The following FUT9 variants were observed in gnomAD, a reference collection of about 807,000 sequenced individuals.
FUT9 encodes the protein 4-galactosyl-N-acetylglucosaminide 3-alpha-L-fucosyltransferase 9.
FUT9 carries 15 observed loss-of-function variants against 29.7 expected under a neutral mutation model. The ratio of observed to expected loss-of-function variants is 0.51; its 90% confidence interval spans 0.34 to 0.78. The LOEUF is 0.78. Among genes scored for constraint, FUT9 ranks in the 30% least tolerant of loss-of-function variants. The pLI, the probability that FUT9 is intolerant of heterozygous loss-of-function variation, is 0.01. For missense variants in FUT9, 319 were observed against 425.4 expected (o/e 0.75, Z 2.20); for synonymous variants, 169 against 153.7 (o/e 1.10, Z -0.74).
intron 1 of FUT9, among the ~76,000 whole-genome samples, chr6:96,044,265 T>C (rs1419321033): frequency 6.6e-6 from 1 of 152,224 alleles, no homozygotes; most frequent in Non-Finnish European, 1.5e-5. Context: ...TAGCATGACC[T>C]AAATAATTGT....
chr6:96,198,049 T>C (rs1438101875), intron 2 of FUT9, among the ~76,000 whole-genome samples: 1 of 148,060 alleles, frequency 6.8e-6, no homozygotes, highest in Non-Finnish European at 1.5e-5. Flanking sequence ...ATTACAACTC[T>C]AATCTTTTTC....
At position 96,214,477 on chromosome 6, in the gene FUT9, A is replaced by C. The variant is rs1458179500; in HGVS notation, c.*10242A>C. ...TTTACTTATTAACTTAAGTAATAAA[A>C]ATTGTATAAAAATATGAATGTTGGC... On this transcript the variant is annotated 3_prime_UTR_variant, in exon 3 of 3. Coordinates refer to ENST00000302103, the MANE Select transcript of FUT9 (RefSeq NM_006581.4). The C allele has an allele frequency of 6.0e-6, 1 of 166,980 alleles. No individual in the cohort carries two copies. The highest frequency in any genetic ancestry group is 2.4e-5 in the African/African-American group (1 of 41,436). The allele number at this position is 166,980 out of a possible 1,614,324, so 10.3% of individuals were successfully genotyped here.
At chr6:96,126,869 T>C (rs1772143273) in intron 2 of FUT9, among the ~76,000 whole-genome samples, 1 of 152,200 alleles carries the variant, frequency 6.6e-6, no homozygotes, top group Admixed American at 6.5e-5. Flanking sequence ...ATGATTAAAA[T>C]GGAAATGAGC....
chr6:96,155,523 A>C (rs1772764290), intron 2 of FUT9, among the ~76,000 whole-genome samples: 1 of 152,078 alleles, frequency 6.6e-6, no homozygotes, highest in South Asian at 2.1e-4. Context: ...AATACAAAAA[A>C]TTAGCTGGGC....
At position 96,203,480 on chromosome 6, in the gene FUT9, C is replaced by A. The variant is rs2127991636; in HGVS notation, c.325C>A (p.His109Asn). The change falls in exon 3 of 3, where the codon CAT becomes AAT. Residue 109 changes from histidine (H) to asparagine (N), a missense_variant. Transcript: ENST00000302103. ...CAACAAATCCCATGCAGTTCTGATC[C>A]ATCACCGAGACATCAGTTGGGATCT... ...LYNKSHAVLI[H>N]HRDISWDLTN... 1 of 1,610,118 alleles carries A rather than the reference C, an allele frequency of 6.2e-7. No individual in the cohort carries two copies. Among genetic ancestry groups the A allele is most frequent in the Non-Finnish European group, 8.5e-7 (1 of 1,177,878 alleles).
At chr6:96,198,612 C>T (rs368100878) in intron 2 of FUT9, among the ~76,000 whole-genome samples, 46 of 152,102 alleles carry the variant, frequency 3.0e-4, no homozygotes, top group Non-Finnish European at 5.3e-4. Flanking sequence ...GCATGATTTA[C>T]AGTCCTTTGG....
intron 1 of FUT9, among the ~76,000 whole-genome samples, chr6:96,039,004 T>A (rs1770409313): frequency 6.6e-6 from 1 of 152,160 alleles, no homozygotes; most frequent in African/African-American, 2.4e-5. Flanking sequence ...CTCCCCTCAA[T>A]GCTTCAATAT....
At chr6:96,064,686 T>A (rs1770933763) in intron 1 of FUT9, among the ~76,000 whole-genome samples, 1 of 152,170 alleles carries the variant, frequency 6.6e-6, no homozygotes, top group Non-Finnish European at 1.5e-5. Context: ...ATTCTTGGCT[T>A]ATTTGTAAGT....
intron 1 of FUT9, among the ~76,000 whole-genome samples, chr6:96,110,515 T>C (rs1409970179): frequency 2.0e-5 from 3 of 152,128 alleles, no homozygotes; most frequent in Admixed American, 6.5e-5. Flanking sequence ...CTCAACTTAA[T>C]TAAGAATTTC....
chr6:96,060,569 C>T (rs1414785581), intron 1 of FUT9, among the ~76,000 whole-genome samples: 1 of 150,710 alleles, frequency 6.6e-6, no homozygotes, highest in African/African-American at 2.4e-5. Flanking sequence ...TGGAGTCTCT[C>T]TCTGTCACCC....
intron 2 of FUT9, among the ~76,000 whole-genome samples, chr6:96,134,592 T>TTATATA (rs1260655056): frequency 6.6e-6 from 1 of 151,948 alleles, no homozygotes; most frequent in Non-Finnish European, 1.5e-5. Flanking sequence ...TATTTGACAA[T>TTATATA]TATAGTGTTA....
At chr6:96,117,343 C>G (rs1771931061) in intron 2 of FUT9, among the ~76,000 whole-genome samples, 1 of 152,108 alleles carries the variant, frequency 6.6e-6, no homozygotes, top group South Asian at 2.1e-4. Context: ...CCTTGCGTTG[C>G]TAGATGAGAG....
At chr6:96,160,621 A>G (rs775802113) in intron 2 of FUT9, among the ~76,000 whole-genome samples, 7 of 152,196 alleles carry the variant, frequency 4.6e-5, no homozygotes, top group Non-Finnish European at 1.0e-4. Context: ...ATTGTTCCAA[A>G]TAAGTCAAAA....
chr6:96,186,210 T>G (rs1773403707), intron 2 of FUT9, among the ~76,000 whole-genome samples: 1 of 152,174 alleles, frequency 6.6e-6, no homozygotes, highest in African/African-American at 2.4e-5. Flanking sequence ...TGTGGCTTAT[T>G]TTTTCTATTT....
intron 1 of FUT9, among the ~76,000 whole-genome samples, chr6:96,094,191 A>G (rs529695854): frequency 6.6e-6 from 1 of 152,192 alleles, no homozygotes; most frequent in Non-Finnish European, 1.5e-5. Context: ...GAAATAAACA[A>G]CTCACAGGTT....
At chr6:96,095,726 A>C (rs1022555408) in intron 1 of FUT9, among the ~76,000 whole-genome samples, 25 of 152,036 alleles carry the variant, frequency 1.6e-4, no homozygotes, top group African/African-American at 4.8e-4. Context: ...TGGTGATTTC[A>C]TCAAATTTCA....
chr6:96,019,191 A>T (rs928172500), intron 1 of FUT9, among the ~76,000 whole-genome samples: 8 of 152,042 alleles, frequency 5.3e-5, no homozygotes, highest in East Asian at 1.9e-4. Flanking sequence ...AAAATACCTT[A>T]AAAAAAGCAC....
At position 96,122,516 on chromosome 6, in the gene FUT9, G is replaced by C. The variant is rs150064683; in HGVS notation, c.-9+8389G>C. On this transcript the variant is annotated intron_variant, in intron 2 of 2. Transcript: ENST00000302103. ...GTTTCCTTTTATTTCTAATCCGTAT[G>C]TACACATAATTTTACATGGTATAGT... is the stretch of plus-strand genomic sequence containing the variant. Among the ~76,000 whole-genome samples the C allele has an allele frequency of 3.4e-3, 524 of 152,238 alleles. 3 individuals carry two copies. The highest frequency in any genetic ancestry group is 0.012 in the African/African-American group (489 of 41,528).
chr6:96,039,472 T>C (rs1770417176), intron 1 of FUT9, among the ~76,000 whole-genome samples: 1 of 152,158 alleles, frequency 6.6e-6, no homozygotes, highest in African/African-American at 2.4e-5. Flanking sequence ...TTTTACACTG[T>C]GCACCCGCTA....
Sources: allele counts gnomAD v4.1 joint callset (sites outside exome capture counted in the v4.1 genomes callset), GRCh38; gene constraint gnomAD v4.1.1; transcripts MANE v1.5; gene names NCBI Gene and HGNC (gene_info 2026-07-23, HGNC 2026-07-21).